Variants in DNAH9 observed in about 807,000 individuals in gnomAD.
DNAH9 encodes the protein DNAH9 variant protein.
Under a neutral mutation model 471.6 loss-of-function variants are expected in DNAH9, and 345 were observed. That is an observed-to-expected ratio of 0.73 (90% CI 0.67 to 0.80). DNAH9 has a LOEUF of 0.80. DNAH9 is among the 30% of genes least tolerant of loss of function. The pLI is 0.00. For synonymous variants in DNAH9, 2,093 were observed against 2,123.6 expected (o/e 0.99, Z 0.40); for missense variants, 5,407 against 5,609.2 (o/e 0.96, Z 1.15).
At position 11,619,772 on chromosome 17, in the gene DNAH9, C is replaced by T. The variant is rs201839993; in HGVS notation, c.1341C>T (p.His447=). The T allele has an allele frequency of 7.5e-6, 12 of 1,602,326 alleles. No individual in the cohort carries two copies. Among genetic ancestry groups the T allele is most frequent in the Middle Eastern group, 1.7e-4 (1 of 6,042 alleles). The part of the protein sequence containing the change: ...VRLDGFLGQL[H]VVEGLLKTAL... ...TGGATGGCTTCCTGGGACAACTGCACGTGGTGGAGGTGAGTGCGCACCTCA... is the reference window on the plus strand; with the variant it reads ...TGGATGGCTTCCTGGGACAACTGCATGTGGTGGAGGTGAGTGCGCACCTCA... The change falls in exon 6 of 69, where the codon CAC becomes CAT. Residue 447 remains histidine (H), a synonymous_variant. Coordinates refer to ENST00000262442, the MANE Select transcript of DNAH9 (RefSeq NM_001372.4).
At chr17:11,888,202 T>C (rs532618676) in intron 57 of DNAH9, among the ~76,000 whole-genome samples, 3 of 152,140 alleles carry the variant, frequency 2.0e-5, no homozygotes, top group South Asian at 4.1e-4. Flanking sequence ...GCCAGGATGG[T>C]CTCGATCTCC....
At chr17:11,900,810 C>G (rs1973385905) in intron 59 of DNAH9, among the ~76,000 whole-genome samples, 1 of 152,136 alleles carries the variant, frequency 6.6e-6, no homozygotes, top group South Asian at 2.1e-4. Flanking sequence ...GCAGTCTCGT[C>G]TAGCTTTTCA....
intron 6 of DNAH9, among the ~76,000 whole-genome samples, chr17:11,620,294 C>T (rs1015142489): frequency 1.3e-5 from 2 of 151,914 alleles, no homozygotes; most frequent in African/African-American, 2.4e-5. Flanking sequence ...GCAGGTGGAT[C>T]ATGAGGTCAG....
At chr17:11,866,928 G>A (rs528876154) in intron 50 of DNAH9, among the ~76,000 whole-genome samples, 3 of 152,308 alleles carry the variant, frequency 2.0e-5, no homozygotes, top group South Asian at 4.1e-4. Flanking sequence ...TCTGTCACCC[G>A]TTTCTTTGAC....
intron 1 of DNAH9, among the ~76,000 whole-genome samples, chr17:11,602,622 A>C (rs1418354285): frequency 6.6e-6 from 1 of 152,148 alleles, no homozygotes; most frequent in Admixed American, 6.6e-5. Context: ...TTTGCCTCCC[A>C]ACTCACTGTG....
At chr17:11,948,832 CAG>C (rs971455280) in intron 67 of DNAH9, among the ~76,000 whole-genome samples, 13 of 152,316 alleles carry the variant, frequency 8.5e-5, no homozygotes, top group African/African-American at 3.1e-4. Context: ...GTAGAAAAAA[CAG>C]AGAGGAGCTA....
intron 28 of DNAH9, among the ~76,000 whole-genome samples, chr17:11,729,966 G>A (rs2075230803): frequency 6.6e-6 from 1 of 152,150 alleles, no homozygotes; most frequent in South Asian, 2.1e-4. Context: ...CACTCTGCTG[G>A]GTCCCTTCAC....
chr17:11,818,029 G>A (rs1308890957), intron 45 of DNAH9, among the ~76,000 whole-genome samples: 22 of 152,196 alleles, frequency 1.4e-4, no homozygotes, highest in Admixed American at 1.4e-3. Context: ...AGTAGTTCAA[G>A]AAAGTGCAGC....
intron 26 of DNAH9, among the ~76,000 whole-genome samples, chr17:11,710,078 T>C (rs2074803194): frequency 6.6e-6 from 1 of 152,174 alleles, no homozygotes; most frequent in Admixed American, 6.5e-5. Context: ...CCATTGTTAA[T>C]ATGTAGTTTG....
intron 59 of DNAH9, among the ~76,000 whole-genome samples, chr17:11,896,348 C>T (rs944646807): frequency 2.6e-5 from 4 of 152,212 alleles, no homozygotes; most frequent in Non-Finnish European, 5.9e-5. Flanking sequence ...GTAGCAACTA[C>T]TCAACTCTGC....
At chr17:11,763,700 C>T in intron 36 of DNAH9, 86 bp downstream of exon 36, 2 of 1,295,318 alleles carry the variant, frequency 1.5e-6, no homozygotes, top group Non-Finnish European at 2.1e-6. Flanking sequence ...GAAGACAGGA[C>T]AGCTAAATGT....
intron 48 of DNAH9, among the ~76,000 whole-genome samples, chr17:11,829,608 A>G (rs1176110133): frequency 6.6e-6 from 1 of 152,142 alleles, no homozygotes; most frequent in Non-Finnish European, 1.5e-5. Context: ...AGTAGCTGGA[A>G]CTACAGGTGC....
chr17:11,664,993 G>A, intron 15 of DNAH9, 25 bp downstream of exon 15: 1 of 1,599,264 alleles, frequency 6.3e-7, no homozygotes, highest in Non-Finnish European at 8.5e-7. Flanking sequence ...ATGGATGTGG[G>A]TTATTATTGG....
chr17:11,864,532 T>C (rs1468961941), intron 50 of DNAH9, among the ~76,000 whole-genome samples: 1 of 151,634 alleles, frequency 6.6e-6, no homozygotes, highest in Non-Finnish European at 1.5e-5. Flanking sequence ...TAGATGTCTA[T>C]TAGGTCCACT....
At chr17:11,856,752 A>G (rs1391988618) in intron 50 of DNAH9, among the ~76,000 whole-genome samples, 1 of 151,946 alleles carries the variant, frequency 6.6e-6, no homozygotes, top group Non-Finnish European at 1.5e-5. Flanking sequence ...TCCTCTCAAT[A>G]TGCTTGTTTT....
rs2151006404 is a variant in DNAH9, at chr17:11,894,423, T to G, written c.11333T>G (p.Leu3778Arg). 1 of 1,614,160 alleles carries G rather than the reference T, an allele frequency of 6.2e-7. No individual in the cohort carries two copies. The highest frequency in any genetic ancestry group is 1.1e-5 in the South Asian group (1 of 91,078). ...AATGCAGTGGAGTTGGATTTCCTGCTTCGATCTCCAGTGCAGACGGGCACC... is the reference window on the plus strand; with the variant it reads ...AATGCAGTGGAGTTGGATTTCCTGCGTCGATCTCCAGTGCAGACGGGCACC... ...EVNAVELDFL[L>R]RSPVQTGTAS... The change falls in exon 59 of 69, where the codon CTT (leucine) becomes CGT (arginine). Residue 3778 changes from leucine to arginine, a missense_variant. This residue lies in a region of DNAH9 where 4,636 missense variants were observed against 4,900.3 expected (regional missense o/e 0.95). Coordinates refer to ENST00000262442, the MANE Select transcript of DNAH9 (RefSeq NM_001372.4).
At chr17:11,868,578 G>A (rs1168463148) in intron 50 of DNAH9, among the ~76,000 whole-genome samples, 1 of 152,114 alleles carries the variant, frequency 6.6e-6, no homozygotes, top group Admixed American at 6.6e-5. Flanking sequence ...CTTAGAGCCA[G>A]TGGAGGACTT....
intron 1 of DNAH9, among the ~76,000 whole-genome samples, chr17:11,606,443 C>CTTTTTTT (rs1404986645): frequency 0.035 from 2,392 of 69,122 alleles, 183 homozygotes; most frequent in East Asian, 0.058. Flanking sequence ...CTTTTCTTTT[C>CTTTTTTT]TTTTCTTTTC....
At chr17:11,669,337 T>C in intron 16 of DNAH9, 33 bp from the exon 17 acceptor site, 1 of 1,600,704 alleles carries the variant, frequency 6.2e-7, no homozygotes. Context: ...CACACACTGG[T>C]GTAACCTGCC....
Sources: allele counts gnomAD v4.1 joint callset (sites outside exome capture counted in the v4.1 genomes callset), GRCh38; gene constraint gnomAD v4.1.1; regional missense constraint gnomAD v4.1.1; transcripts MANE v1.5; gene names NCBI Gene and HGNC (gene_info 2026-07-23, HGNC 2026-07-21).